Variants in GREM2 observed in about 807,000 individuals in gnomAD.
GREM2 encodes the protein gremlin-2.
Under a neutral mutation model 14.2 loss-of-function variants are expected in GREM2, and 11 were observed. That is an observed-to-expected ratio of 0.78 (90% CI 0.49 to 1.28). The LOEUF (loss-of-function observed/expected upper bound fraction) is 1.28. Ranked by LOEUF, GREM2 falls within the 50% of genes most tolerant of loss-of-function variation. The pLI is 0.00. For missense variants in GREM2, 210 were observed against 218.5 expected (o/e 0.96, Z 0.24); for synonymous variants, 98 against 97.6 (o/e 1.00, Z -0.02).
chr1:240,553,206 C>T (rs1230398511), intron 1 of GREM2, among the ~76,000 whole-genome samples: 2 of 152,136 alleles, frequency 1.3e-5, no homozygotes, highest in Non-Finnish European at 2.9e-5. Context: ...CGGGTTTTAT[C>T]GAGAGCGTTA....
chr1:240,565,531 G>A (rs1679160506), intron 1 of GREM2, among the ~76,000 whole-genome samples: 1 of 151,978 alleles, frequency 6.6e-6, no homozygotes, highest in Non-Finnish European at 1.5e-5. Context: ...TGTTGGGTAC[G>A]ATCATTCCAA....
chr1:240,521,776 T>A (rs1678104741), intron 1 of GREM2, among the ~76,000 whole-genome samples: 1 of 152,070 alleles, frequency 6.6e-6, no homozygotes, highest in Admixed American at 6.5e-5. Flanking sequence ...ACATTGGTGG[T>A]CACATATGTG....
intron 1 of GREM2, among the ~76,000 whole-genome samples, chr1:240,520,077 T>C (rs1678046483): frequency 7.2e-6 from 1 of 139,856 alleles, no homozygotes; most frequent in Non-Finnish European, 1.6e-5. Flanking sequence ...CAAAACTCCA[T>C]CCCAAAAAAT....
intron 1 of GREM2, among the ~76,000 whole-genome samples, chr1:240,537,010 T>C (rs553089962): frequency 6.6e-6 from 1 of 152,324 alleles, no homozygotes; most frequent in East Asian, 1.9e-4. Flanking sequence ...GAATGACCAA[T>C]TAATTCCTAA....
chr1:240,579,691 G>C (rs1030282794), intron 1 of GREM2, among the ~76,000 whole-genome samples: 9 of 152,160 alleles, frequency 5.9e-5, no homozygotes, highest in African/African-American at 2.2e-4. Context: ...AAATGCTCAG[G>C]GAGTGCCAAC....
chr1:240,493,968 A>C (rs9662833), intron 1 of GREM2, among the ~76,000 whole-genome samples: 5,189 of 152,378 alleles, frequency 0.034, 319 homozygotes, highest in African/African-American at 0.12. Flanking sequence ...TAATGCCTGG[A>C]AGGCAAGGAG....
chr1:240,495,236 A>G (rs1025193912), intron 1 of GREM2, among the ~76,000 whole-genome samples: 1 of 152,210 alleles, frequency 6.6e-6, no homozygotes, highest in Non-Finnish European at 1.5e-5. Context: ...TGTTACCAAC[A>G]TCATCATCAT....
chr1:240,495,577 A>T (rs1025213592), intron 1 of GREM2, among the ~76,000 whole-genome samples: 1 of 152,176 alleles, frequency 6.6e-6, no homozygotes, highest in East Asian at 1.9e-4. Flanking sequence ...TCTGAGTTCT[A>T]TGAAGTAGGT....
At chr1:240,507,553 A>G (rs1398540143) in intron 1 of GREM2, among the ~76,000 whole-genome samples, 1 of 152,082 alleles carries the variant, frequency 6.6e-6, no homozygotes. Flanking sequence ...AGGTGGTCTC[A>G]AATTCCTGAC....
chr1:240,584,688 T>C (rs78425829), intron 1 of GREM2, among the ~76,000 whole-genome samples: 6,832 of 152,032 alleles, frequency 0.045, 495 homozygotes, highest in African/African-American at 0.16. Context: ...CTAGCTTGGG[T>C]GACAGAGTGA....
At chr1:240,549,559 A>C (rs1678804480) in intron 1 of GREM2, among the ~76,000 whole-genome samples, 1 of 152,220 alleles carries the variant, frequency 6.6e-6, no homozygotes, top group Non-Finnish European at 1.5e-5. Context: ...AAACCGGTGC[A>C]TCTGAAAGTG....
At chr1:240,514,018 G>T (rs1206292805) in intron 1 of GREM2, among the ~76,000 whole-genome samples, 1 of 152,074 alleles carries the variant, frequency 6.6e-6, no homozygotes. Flanking sequence ...GGCTGAGGCG[G>T]GTGGATCACC....
rs912288488 is a variant in GREM2, at chr1:240,542,302, A to G, written c.-1-48826T>C. Among the ~76,000 whole-genome samples, 2 of 151,954 alleles carry G rather than the reference A, an allele frequency of 1.3e-5. No homozygotes were observed. Among genetic ancestry groups the G allele is most frequent in the South Asian group, 4.1e-4 (2 of 4,824 alleles). ...TCCACAGTAATTGATTCAGCATTTT[A>G]ATTTCTAAGGAGCTGAGCCGGGCAC... On this transcript the variant is annotated intron_variant, in intron 1 of 1. Transcript: ENST00000318160. The surrounding 1 kb of genome is among the most constrained non-coding windows in gnomAD (Gnocchi z 4.1).
intron 1 of GREM2, among the ~76,000 whole-genome samples, chr1:240,586,722 A>G (rs1164977046): frequency 6.6e-6 from 1 of 152,224 alleles, no homozygotes; most frequent in Admixed American, 6.5e-5. Context: ...TACCTCGGTT[A>G]CTTCCTTCAA....
intron 1 of GREM2, among the ~76,000 whole-genome samples, chr1:240,559,492 C>T (rs976923196): frequency 2.6e-5 from 4 of 151,818 alleles, no homozygotes; most frequent in South Asian, 2.1e-4. Context: ...TACAAGCACC[C>T]GCCATCAGGT....
rs1679962462 is a variant in GREM2, at chr1:240,603,186, C to G, written c.-2+8698G>C. ...TAGGCTGTGACTCCAGGGCACCAGCCACACCTGATCATCAACTGCGGCCTT... is the reference window on the plus strand; with the variant it reads ...TAGGCTGTGACTCCAGGGCACCAGCGACACCTGATCATCAACTGCGGCCTT... On this transcript the variant is annotated intron_variant, in intron 1 of 1. Transcript: ENST00000318160. Among the ~76,000 whole-genome samples, 5 of 152,186 alleles carry G rather than the reference C, an allele frequency of 3.3e-5. No homozygotes were observed. The South Asian group carries it at 1.0e-3, about 32-fold the overall frequency.
chr1:240,545,628 C>T (rs1386539932), intron 1 of GREM2, among the ~76,000 whole-genome samples: 2 of 152,146 alleles, frequency 1.3e-5, no homozygotes, highest in Admixed American at 1.3e-4. Flanking sequence ...CTCCCCTCAC[C>T]CTATGGGATC....
chr1:240,572,976 C>T (rs1679287916), intron 1 of GREM2, among the ~76,000 whole-genome samples: 1 of 151,986 alleles, frequency 6.6e-6, no homozygotes, highest in Non-Finnish European at 1.5e-5. Flanking sequence ...TATTCATTGG[C>T]CTGTGGAATT....
Position 240,521,628 on chromosome 1 carries a change from G to A in GREM2, c.-1-28152C>T, listed in dbSNP as rs551005347. ...TGGCAGTTAGCATACCAAAGGAAGCGCAAATGGGGAAATGGCAGGTGAAAA... is the reference window on the plus strand; with the variant it reads ...TGGCAGTTAGCATACCAAAGGAAGCACAAATGGGGAAATGGCAGGTGAAAA... On this transcript the variant is annotated intron_variant, in intron 1 of 1. Transcript: ENST00000318160. Among the ~76,000 whole-genome samples, 6 of 152,154 alleles carry A rather than the reference G, an allele frequency of 3.9e-5. No homozygotes were observed. In the Middle Eastern group the frequency reaches 0.01, roughly 259 times the overall value.
Sources: gnomAD v4.1 joint callset for allele counts (sites outside exome capture counted in the v4.1 genomes callset) on GRCh38, gnomAD v4.1.1 for gene constraint, Gnocchi (gnomAD v3.1) non-coding constraint, MANE v1.5 for transcripts, NCBI Gene and HGNC (gene_info 2026-07-23, HGNC 2026-07-21) for gene names.